Variants in GLRA1 observed in about 807,000 individuals in gnomAD.
GLRA1 encodes the protein glycine receptor subunit alpha-1.
GLRA1 carries 37 observed loss-of-function variants against 48.3 expected under a neutral mutation model. The observed-to-expected ratio is 0.77, with a 90% confidence interval of 0.59 to 1.01. GLRA1 has a LOEUF of 1.01. Among genes scored for constraint, GLRA1 ranks in the 50% least tolerant of loss-of-function variants. The pLI is 0.00. For missense variants in GLRA1, 427 were observed against 571.0 expected (o/e 0.75, Z 2.57); for synonymous variants, 196 against 210.7 (o/e 0.93, Z 0.60).
At chr5:151,909,289 T>G (rs1457071247) in intron 1 of GLRA1, among the ~76,000 whole-genome samples, 1 of 152,210 alleles carries the variant, frequency 6.6e-6, no homozygotes, top group African/African-American at 2.4e-5. Flanking sequence ...TGATCTCAGC[T>G]GTGCTCTGCT....
chr5:151,827,029 G>GTTTTTTTTTTTTTTTTTTTT (rs199505206), intron 8 of GLRA1, among the ~76,000 whole-genome samples: 2 of 126,802 alleles, frequency 1.6e-5, no homozygotes, highest in African/African-American at 5.8e-5. Flanking sequence ...CTTTCTTTCT[G>GTTTTTTTTTTTTTTTTTTTT]TTTTTTTTTT....
At chr5:151,871,281 G>A (rs4478307) in intron 3 of GLRA1, among the ~76,000 whole-genome samples, 84,824 of 148,868 alleles carry the variant, frequency 0.57, 25,679 homozygotes, top group East Asian at 0.69. Context: ...AAGGGACCTA[G>A]CATAAGCTGT....
At chr5:151,853,248 AT>A (rs914951798) in intron 6 of GLRA1, among the ~76,000 whole-genome samples, 6 of 150,752 alleles carry the variant, frequency 4.0e-5, no homozygotes, top group African/African-American at 1.2e-4. Flanking sequence ...CTTTTTACTT[AT>A]TTTTTTTTCT....
chr5:151,907,781 T>C (rs1164536370), intron 1 of GLRA1, among the ~76,000 whole-genome samples: 1 of 152,196 alleles, frequency 6.6e-6, no homozygotes, highest in African/African-American at 2.4e-5. Flanking sequence ...CCTGGGCAAT[T>C]AGGGAAGGGA....
intron 2 of GLRA1, 100 bp downstream of exon 2, chr5:151,892,211 T>A: frequency 9.2e-7 from 1 of 1,088,722 alleles, no homozygotes; most frequent in Non-Finnish European, 1.4e-6. Context: ...GTCATGGGAT[T>A]CACACTGCGT....
At chr5:151,850,735 C>T in intron 7 of GLRA1, 3 of 1,041,842 alleles carry the variant, frequency 2.9e-6, no homozygotes, top group Non-Finnish European at 3.0e-6. Flanking sequence ...GACAGAAGCC[C>T]TCATCAACAC....
chr5:151,874,227 C>A (rs1470262291), intron 3 of GLRA1, among the ~76,000 whole-genome samples: 1 of 152,138 alleles, frequency 6.6e-6, no homozygotes, highest in Non-Finnish European at 1.5e-5. Flanking sequence ...TCAGGGTGCT[C>A]TCCTCAGTGC....
intron 1 of GLRA1, among the ~76,000 whole-genome samples, chr5:151,893,862 T>C (rs1459120526): frequency 6.6e-6 from 1 of 152,242 alleles, no homozygotes; most frequent in African/African-American, 2.4e-5. Context: ...TATAATCCTT[T>C]GGGTATATAT....
chr5:151,833,506 C>G (rs909934080), intron 7 of GLRA1, among the ~76,000 whole-genome samples: 5 of 152,036 alleles, frequency 3.3e-5, no homozygotes, highest in Admixed American at 2.0e-4. Flanking sequence ...TGTTGCCCCC[C>G]AGGGTGGAGT....
intron 2 of GLRA1, among the ~76,000 whole-genome samples, chr5:151,889,520 A>G (rs1232019041): frequency 6.6e-6 from 1 of 152,202 alleles, no homozygotes; most frequent in Non-Finnish European, 1.5e-5. Flanking sequence ...TCTACCTCAC[A>G]GTTTCTTTGC....
chr5:151,858,521 G>C (rs1050762591), intron 4 of GLRA1, among the ~76,000 whole-genome samples: 2 of 152,182 alleles, frequency 1.3e-5, no homozygotes, highest in Non-Finnish European at 2.9e-5. Flanking sequence ...AGCTGGGCCT[G>C]GATGGCCATT....
intron 3 of GLRA1, among the ~76,000 whole-genome samples, chr5:151,872,531 A>G (rs560355747): frequency 6.7e-6 from 1 of 150,030 alleles, no homozygotes; most frequent in Admixed American, 6.6e-5. Flanking sequence ...CATTAAAGCA[A>G]TTCTACTTCT....
intron 3 of GLRA1, among the ~76,000 whole-genome samples, chr5:151,868,767 T>G (rs1753400837): frequency 6.6e-6 from 1 of 152,214 alleles, no homozygotes; most frequent in African/African-American, 2.4e-5. Context: ...GTGCTTTATT[T>G]CTGCCTCGAG....
At chr5:151,922,882 C>T (rs1281550862) in intron 1 of GLRA1, among the ~76,000 whole-genome samples, 2 of 152,212 alleles carry the variant, frequency 1.3e-5, no homozygotes, top group African/African-American at 4.8e-5. Context: ...TGGTTCAGTT[C>T]TGTCTCCTGT....
chr5:151,908,626 G>T (rs1205256688), intron 1 of GLRA1, among the ~76,000 whole-genome samples: 4 of 151,716 alleles, frequency 2.6e-5, no homozygotes, highest in Admixed American at 2.6e-4. Context: ...TTATTACTCT[G>T]CTTATCTCCA....
chr5:151,892,565 T>C (rs1754106749), intron 1 of GLRA1, 127 bp from the exon 2 acceptor site: 1 of 984,598 alleles, frequency 1.0e-6, no homozygotes, highest in Non-Finnish European at 1.6e-6. Flanking sequence ...ATGGGTAATA[T>C]GGGTCCTTAA....
At chr5:151,920,400 C>T (rs1473916250) in intron 1 of GLRA1, among the ~76,000 whole-genome samples, 1 of 152,190 alleles carries the variant, frequency 6.6e-6, no homozygotes, top group Admixed American at 6.5e-5. Context: ...CGCTGCACCA[C>T]ATGGCCGTAA....
intron 1 of GLRA1, among the ~76,000 whole-genome samples, chr5:151,911,419 T>G (rs1754604461): frequency 6.6e-6 from 1 of 152,214 alleles, no homozygotes; most frequent in South Asian, 2.1e-4. Flanking sequence ...ATGCCAACTA[T>G]ATGCCCTCTC....
intron 1 of GLRA1, among the ~76,000 whole-genome samples, chr5:151,923,715 G>A (rs542366620): frequency 3.7e-4 from 56 of 152,284 alleles, no homozygotes; most frequent in African/African-American, 1.2e-3. Flanking sequence ...CTCAGCTGTT[G>A]AGTCAAATAT....
Sources: gnomAD v4.1 joint callset for allele counts (sites outside exome capture counted in the v4.1 genomes callset) on GRCh38, gnomAD v4.1.1 for gene constraint, MANE v1.5 for transcripts, NCBI Gene and HGNC (gene_info 2026-07-23, HGNC 2026-07-21) for gene names.